The following CD109 variants were observed in gnomAD, a reference collection of about 807,000 sequenced individuals.
CD109 encodes CD109 antigen.
CD109 carries 149 observed loss-of-function variants against 165.8 expected under a neutral mutation model. The ratio of observed to expected loss-of-function variants is 0.90; its 90% CI spans 0.79 to 1.03. CD109 has a LOEUF of 1.03. CD109 is among the 50% of genes least tolerant of loss of function. The pLI is 0.00. For missense variants in CD109, 1,712 were observed against 1,677.8 expected (o/e 1.02, Z -0.36); for synonymous variants, 585 against 592.1 (o/e 0.99, Z 0.18).
intron 29 of CD109, among the ~76,000 whole-genome samples, chr6:73,814,324 T>C (rs2917861): frequency 0.59 from 88,864 of 151,842 alleles, 26,829 homozygotes; most frequent in African/African-American, 0.74. Context: ...GGAGATGAGA[T>C]TGGACTAGGA....
chr6:73,758,644 G>A (rs1773492954), intron 6 of CD109, among the ~76,000 whole-genome samples: 2 of 151,966 alleles, frequency 1.3e-5, no homozygotes, highest in African/African-American at 4.8e-5. Context: ...TCTGCCTCCC[G>A]AGTTCTAGAA....
At chr6:73,701,370 G>C (rs1190654320) in intron 2 of CD109, among the ~76,000 whole-genome samples, 1 of 152,140 alleles carries the variant, frequency 6.6e-6, no homozygotes, top group Non-Finnish European at 1.5e-5. Context: ...CGTAGTAAAA[G>C]TTCAGCAGGT....
intron 5 of CD109, among the ~76,000 whole-genome samples, chr6:73,739,787 G>C (rs1772695154): frequency 6.6e-6 from 1 of 152,132 alleles, no homozygotes; most frequent in Non-Finnish European, 1.5e-5. Flanking sequence ...GGCGGAGCTT[G>C]CAGTGAGCCA....
chr6:73,689,931 T>G, the CD109 span, among the ~76,000 whole-genome samples: 1 of 149,466 alleles, frequency 6.7e-6, no homozygotes, highest in African/African-American at 2.4e-5. Context: ...TTAAATCTTC[T>G]TTGTCAATTC....
rs527439218 is a variant in CD109, at chr6:73,828,199, T to C, written c.*4566T>C. On this transcript the variant is annotated 3_prime_UTR_variant, in exon 33 of 33. Coordinates refer to ENST00000287097, the MANE Select transcript of CD109 (RefSeq NM_133493.5). ...CTAAAGCTTTATATATTGATCAAGG[T>C]GATTCTGAAAGTTTTAATTTTTAAT... 1 of 154,928 alleles carries C rather than the reference T, an allele frequency of 6.5e-6. No homozygotes were observed. The highest frequency in any genetic ancestry group is 6.5e-5 in the Admixed American group (1 of 15,304). The allele number at this position is 154,928 out of a possible 1,614,324, so 9.6% of individuals were successfully genotyped here. A position where few individuals can be genotyped will look rare whatever the true frequency, so the allele number is the denominator to read the frequency against.
At chr6:73,787,062 G>T (rs1774723865) in intron 20 of CD109, among the ~76,000 whole-genome samples, 172 bp from the exon 21 acceptor site, 2 of 152,122 alleles carry the variant, frequency 1.3e-5, no homozygotes, top group South Asian at 2.1e-4. Flanking sequence ...GCATAGAAAA[G>T]AAATGAAGTT....
At chr6:73,813,409 C>T (rs1441286709) in intron 29 of CD109, among the ~76,000 whole-genome samples, 1 of 151,960 alleles carries the variant, frequency 6.6e-6, no homozygotes, top group Non-Finnish European at 1.5e-5. Flanking sequence ...TTAGTGAAAC[C>T]AAGTGATTTT....
At chr6:73,815,262 A>G (rs1455308182) in intron 30 of CD109, 139 bp downstream of exon 30, 2 of 571,028 alleles carry the variant, frequency 3.5e-6, no homozygotes, top group African/African-American at 4.0e-5. Flanking sequence ...TCAGATTACA[A>G]ACTAGAAATA....
Position 73,783,699 on chromosome 6 carries a change from G to A in CD109, c.2106-8G>A. 1.2e-5 allele frequency: 17 copies of A among 1,454,784 alleles called. No individual in the cohort carries two copies. Among genetic ancestry groups the A allele is most frequent in the Non-Finnish European group, 1.6e-5 (17 of 1,035,846 alleles). 90.1% of individuals were successfully genotyped at this position (1,454,784 alleles called of 1,614,324 possible). ...TTGTGATGTTTATATTTATTATCTT[G>A]ACTTCAGTTACAGGATTTACCAAGA... is the stretch of plus-strand genomic sequence containing the variant. On this transcript the variant is annotated splice_polypyrimidine_tract_variant and splice_region_variant and intron_variant, in intron 18 of 32. Coordinates refer to ENST00000287097, the MANE Select transcript of CD109 (RefSeq NM_133493.5).
intron 7 of CD109, among the ~76,000 whole-genome samples, chr6:73,761,260 T>A (rs187386748): frequency 2.6e-4 from 39 of 152,192 alleles, no homozygotes; most frequent in Non-Finnish European, 5.4e-4. Context: ...CAGCTGACAT[T>A]TAAAAATCTT....
the CD109 span, among the ~76,000 whole-genome samples, chr6:73,679,210 T>G: frequency 2.0e-5 from 3 of 152,106 alleles, no homozygotes; most frequent in Non-Finnish European, 4.4e-5. Flanking sequence ...AGTGAAAATG[T>G]GGCAAGTGTG....
At position 73,766,173 on chromosome 6, in the gene CD109, CATT is replaced by C. The variant is rs113349782; in HGVS notation, c.1332+20_1332+22del. On this transcript the variant is annotated intron_variant, in intron 11 of 32. Transcript: ENST00000287097. ...GTTGAAGGTGCCGTCTGTTTCCCAT[CATT>C]GTGTCACTGCAACAACACCATTACA... 1 of 1,572,660 alleles carries C rather than the reference CATT, an allele frequency of 6.4e-7. No individual in the cohort carries two copies. Among genetic ancestry groups the C allele is most frequent in the Middle Eastern group, 1.7e-4 (1 of 5,976 alleles).
At chr6:73,794,644 A>T (rs1775092725) in intron 23 of CD109, among the ~76,000 whole-genome samples, 1 of 152,200 alleles carries the variant, frequency 6.6e-6, no homozygotes, top group Admixed American at 6.5e-5. Flanking sequence ...GTATGAGATC[A>T]CAAACCAAGG....
intron 29 of CD109, among the ~76,000 whole-genome samples, chr6:73,812,541 A>G (rs145442140): frequency 3.9e-4 from 60 of 152,232 alleles, no homozygotes; most frequent in African/African-American, 1.4e-3. Flanking sequence ...GTCCTCCAAT[A>G]TGATTCCTGA....
intron 32 of CD109, 35 bp downstream of exon 32, chr6:73,820,598 A>T: frequency 8.2e-7 from 1 of 1,223,944 alleles, no homozygotes; most frequent in East Asian, 2.4e-5. Flanking sequence ...TACTTTAGAA[A>T]TTAAGCCAGG....
At chr6:73,788,696 T>C (rs1774795614) in intron 22 of CD109, 84 bp downstream of exon 22, 1 of 1,275,638 alleles carries the variant, frequency 7.8e-7, no homozygotes, top group Non-Finnish European at 1.1e-6. Flanking sequence ...TGTATTTTCT[T>C]ATTGAGTCCT....
At chr6:73,689,892 T>C in the CD109 span, among the ~76,000 whole-genome samples, 2 of 152,020 alleles carry the variant, frequency 1.3e-5, no homozygotes, top group Non-Finnish European at 2.9e-5. Context: ...GTGAAAAACA[T>C]ATATTTTAGA....
chr6:73,730,497 CAAG>C lies in CD109; in HGVS notation c.434_436del (p.Glu145del). 1 of 1,614,076 alleles carries C rather than the reference CAAG, an allele frequency of 6.2e-7. No homozygotes were observed. Among genetic ancestry groups the C allele is most frequent in the Non-Finnish European group, 8.5e-7 (1 of 1,179,938 alleles). On this transcript the variant is annotated inframe_deletion, in exon 4 of 33. Coordinates refer to ENST00000287097, the MANE Select transcript of CD109 (RefSeq NM_133493.5). ...AGACAAGGCCTTATACAAGCCAAAG[CAAG>C]AAGTGAAGTTTCGCATTGTTACACT...
intron 5 of CD109, among the ~76,000 whole-genome samples, chr6:73,743,554 A>AT (rs1210391321): frequency 1.3e-5 from 2 of 151,786 alleles, no homozygotes; most frequent in African/African-American, 4.8e-5. Context: ...GATATTCCTT[A>AT]TTTTTTCTGG....
Sources: allele counts gnomAD v4.1 joint callset (sites outside exome capture counted in the v4.1 genomes callset), GRCh38; gene constraint gnomAD v4.1.1; transcripts MANE v1.5; gene names NCBI Gene and HGNC (gene_info 2026-07-23, HGNC 2026-07-21).